Variants in TNNI3K observed in about 807,000 individuals in gnomAD.
The protein encoded by TNNI3K is serine/threonine-protein kinase TNNI3K.
TNNI3K carries 140 observed loss-of-function variants against 114.5 expected under a neutral mutation model. The ratio of observed to expected loss-of-function variants is 1.22; its 90% CI spans 1.07 to 1.41. The LOEUF is 1.41. Among genes scored for constraint, TNNI3K ranks in the 40% most tolerant of loss-of-function variants. TNNI3K has a pLI of 0.00. For synonymous variants in TNNI3K, 347 were observed against 347.5 expected (o/e 1.00, Z 0.02); for missense variants, 1,125 against 1,007.6 (o/e 1.12, Z -1.58).
At chr1:74,432,563 A>G (rs1241308136) in intron 17 of TNNI3K, among the ~76,000 whole-genome samples, 1 of 152,018 alleles carries the variant, frequency 6.6e-6, no homozygotes, top group African/African-American at 2.4e-5. Flanking sequence ...TCCTTAACCT[A>G]CATTTCTTTA....
intron 20 of TNNI3K, among the ~76,000 whole-genome samples, chr1:74,443,799 AG>A (rs1310709976): frequency 2.0e-5 from 3 of 152,204 alleles, no homozygotes; most frequent in Non-Finnish European, 4.4e-5. Flanking sequence ...CACATCAAAA[AG>A]CTTAGCTACC....
chr1:74,540,035 G>C (rs907919065), intron 23 of TNNI3K, among the ~76,000 whole-genome samples, 199 bp from the exon 24 acceptor site: 1 of 152,146 alleles, frequency 6.6e-6, no homozygotes, highest in African/African-American at 2.4e-5. Flanking sequence ...CTATGCTTAA[G>C]AGCCAGGACT....
At chr1:74,237,267 CT>C (rs1386783632) in intron 2 of TNNI3K, among the ~76,000 whole-genome samples, 3 of 151,880 alleles carry the variant, frequency 2.0e-5, no homozygotes, top group African/African-American at 7.2e-5. Flanking sequence ...ACTGATCTGA[CT>C]TTTGCAAGTA....
chr1:74,318,656 A>G (rs1250688945), intron 5 of TNNI3K, among the ~76,000 whole-genome samples: 1 of 152,204 alleles, frequency 6.6e-6, no homozygotes, highest in African/African-American at 2.4e-5. Flanking sequence ...ACAGAATGTA[A>G]AATGTACAGC....
At chr1:74,449,105 G>C (rs1221536125) in intron 20 of TNNI3K, among the ~76,000 whole-genome samples, 1 of 145,426 alleles carries the variant, frequency 6.9e-6, no homozygotes, top group African/African-American at 2.5e-5. Flanking sequence ...GACTCTTTTT[G>C]GTTGGTAAAC....
At position 74,544,218 on chromosome 1, in the gene TNNI3K, G is replaced by A; in HGVS notation, c.*236G>A. 3 of 423,938 alleles carry A rather than the reference G, an allele frequency of 7.1e-6. No homozygotes were observed. Among genetic ancestry groups the A allele is most frequent in the Non-Finnish European group, 1.2e-5 (3 of 245,314 alleles). 26.3% of individuals were successfully genotyped at this position (423,938 alleles called of 1,614,324 possible). A position where few individuals can be genotyped will look rare whatever the true frequency, so the allele number is the denominator to read the frequency against. ...TATATGAAGAATTGTTTTTAATTTTGTAAATTAAAAAAAAATTTAGATCGT... is the reference window on the plus strand; with the variant it reads ...TATATGAAGAATTGTTTTTAATTTTATAAATTAAAAAAAAATTTAGATCGT... On this transcript the variant is annotated 3_prime_UTR_variant, in exon 25 of 25. Coordinates refer to ENST00000326637, the MANE Select transcript of TNNI3K (RefSeq NM_015978.3).
At chr1:74,506,545 A>G (rs1392514611) in intron 23 of TNNI3K, among the ~76,000 whole-genome samples, 1 of 152,196 alleles carries the variant, frequency 6.6e-6, no homozygotes, top group Non-Finnish European at 1.5e-5. Flanking sequence ...TTTTAGGATT[A>G]TCATCTATAA....
rs1304788443 is a variant in TNNI3K, at chr1:74,353,354, C to T, written c.1021C>T (p.His341Tyr). Reference sequence around the variant, plus strand: ...CATCAACCACCAAGGAAGGGATGGGCACACTGGTAAGACTGTGGTGAAAAC... The same window carrying T: ...CATCAACCACCAAGGAAGGGATGGGTACACTGGTAAGACTGTGGTGAAAAC... ...ININHQGRDG[H>Y]TGLHSACYHG... The change falls in exon 10 of 25, where the codon CAC becomes TAC. Residue 341 changes from histidine (H) to tyrosine (Y), a missense_variant. His to Tyr is a moderately conservative substitution (Grantham distance 83, BLOSUM62 2). Transcript: ENST00000326637. 2 of 1,613,530 alleles carry T rather than the reference C, an allele frequency of 1.2e-6. No homozygotes were observed. Among genetic ancestry groups the T allele is most frequent in the African/African-American group, 2.7e-5 (2 of 74,910 alleles).
chr1:74,367,881 A>C, intron 12 of TNNI3K, 27 bp from the exon 13 acceptor site: 1 of 1,551,260 alleles, frequency 6.4e-7, no homozygotes, highest in Non-Finnish European at 8.7e-7. Flanking sequence ...CGCTACTTTC[A>C]ACTCTATTAT....
intron 4 of TNNI3K, among the ~76,000 whole-genome samples, chr1:74,269,895 ACAGT>A (rs762043192): frequency 1.3e-5 from 2 of 151,806 alleles, no homozygotes; most frequent in Non-Finnish European, 3.0e-5. Flanking sequence ...CTTTTAGAAG[ACAGT>A]CAGAAACAAA....
chr1:74,307,575 C>A (rs1475423326), intron 5 of TNNI3K, among the ~76,000 whole-genome samples: 4 of 152,138 alleles, frequency 2.6e-5, no homozygotes, highest in African/African-American at 4.8e-5. Flanking sequence ...TTCAAATCAA[C>A]AATAAGTTTT....
At chr1:74,276,479 T>C (rs1432746793) in intron 5 of TNNI3K, among the ~76,000 whole-genome samples, 2 of 152,100 alleles carry the variant, frequency 1.3e-5, no homozygotes, top group Non-Finnish European at 2.9e-5. Context: ...AGTTAAAGGA[T>C]CCCAGGTATC....
rs554082288 is a variant in TNNI3K at position 74,351,398 on chromosome 1, C to A, written c.933-1868C>A. Reference sequence around the variant, plus strand: ...AACCTTTCTCTCTGGCTGCCCTTAACATTTTTTCCTTTATTTCAACTTTGG... The same window carrying A: ...AACCTTTCTCTCTGGCTGCCCTTAAAATTTTTTCCTTTATTTCAACTTTGG... On this transcript the variant is annotated intron_variant, in intron 9 of 24. Transcript: ENST00000326637. Among the ~76,000 whole-genome samples, 9 of 151,812 alleles carry A rather than the reference C, an allele frequency of 5.9e-5. No homozygotes were observed. In the South Asian group the frequency reaches 1.7e-3, roughly 28 times the overall value.
intron 5 of TNNI3K, among the ~76,000 whole-genome samples, chr1:74,295,415 G>T (rs968820089): frequency 2.0e-5 from 3 of 151,880 alleles, no homozygotes; most frequent in African/African-American, 2.4e-5. Flanking sequence ...ACTGTTTTAC[G>T]CATTTGTTCT....
intron 23 of TNNI3K, among the ~76,000 whole-genome samples, chr1:74,493,405 G>A (rs1181308387): frequency 6.6e-6 from 1 of 152,036 alleles, no homozygotes; most frequent in Non-Finnish European, 1.5e-5. Context: ...AAAAGATTAA[G>A]CAAAAAGGTA....
intron 21 of TNNI3K, chr1:74,475,620 C>T: frequency 1.4e-6 from 1 of 717,222 alleles, no homozygotes; most frequent in Non-Finnish European, 2.6e-6. Context: ...TGGACATGAC[C>T]TTTATCTCGT....
At chr1:74,307,322 C>T (rs1250525177) in intron 5 of TNNI3K, among the ~76,000 whole-genome samples, 1 of 152,106 alleles carries the variant, frequency 6.6e-6, no homozygotes, top group Non-Finnish European at 1.5e-5. Context: ...TCTTAAAAGA[C>T]ATAGAGTTGC....
At chr1:74,449,913 C>T (rs1319330033) in intron 20 of TNNI3K, among the ~76,000 whole-genome samples, 3 of 115,116 alleles carry the variant, frequency 2.6e-5, no homozygotes. Flanking sequence ...ACCTAATAGA[C>T]ATCTACAGAA....
intron 23 of TNNI3K, among the ~76,000 whole-genome samples, chr1:74,529,468 A>G (rs1646552171): frequency 6.6e-6 from 1 of 152,254 alleles, no homozygotes; most frequent in African/African-American, 2.4e-5. Flanking sequence ...CATTTCAGAC[A>G]GAAAGAAAAT....
Sources: allele counts gnomAD v4.1 joint callset (sites outside exome capture counted in the v4.1 genomes callset), GRCh38; gene constraint gnomAD v4.1.1; transcripts MANE v1.5; gene names NCBI Gene and HGNC (gene_info 2026-07-23, HGNC 2026-07-21).